Variants in PAAF1 observed in about 807,000 individuals in gnomAD.
The protein encoded by PAAF1 is proteasomal ATPase-associated factor 1.
Under a neutral mutation model 52.8 loss-of-function variants are expected in PAAF1, and 46 were observed. That is an observed-to-expected ratio of 0.87 (90% CI 0.69 to 1.11). The LOEUF (loss-of-function observed/expected upper bound fraction) is 1.11. Among genes scored for constraint, PAAF1 ranks in the 50% most tolerant of loss-of-function variants. The pLI, the probability that PAAF1 is intolerant of heterozygous loss-of-function variation, is 0.00. For missense variants in PAAF1, 424 were observed against 477.4 expected (o/e 0.89, Z 1.04); for synonymous variants, 178 against 172.8 (o/e 1.03, Z -0.24).
At chr11:73,926,333 C>T (rs1338141026) in intron 11 of PAAF1, among the ~76,000 whole-genome samples, 2 of 152,088 alleles carry the variant, frequency 1.3e-5, no homozygotes, top group Non-Finnish European at 2.9e-5. Flanking sequence ...CTTGAACTCC[C>T]GACTGAGGCC....
In PAAF1 at chr11:73,927,327, G is replaced by A. The variant is rs754021347; in HGVS notation, c.1144G>A (p.Gly382Ser). The A allele has an allele frequency of 1.8e-5, 29 of 1,613,990 alleles. 2 individuals carry two copies. The South Asian group carries it at 2.5e-4, about 14-fold the overall frequency. ...GCAGATCTACACATGCTGTCGAGAC[G>A]GTCTTGTACGACGCTACCAGCTTTC... is the stretch of plus-strand genomic sequence containing the variant. Reference protein sequence around the residue: ...EKQIYTCCRDGLVRRYQLSDL With the variant: ...EKQIYTCCRDSLVRRYQLSDL Residue 382 changes from glycine (G) to serine (S), a missense_variant, in exon 12 of 12, where the codon GGT becomes AGT. Transcript: ENST00000310571.
At chr11:73,876,763 G>A (rs1483999933), upstream of PAAF1, 2 of 365,790 alleles carry the variant, frequency 5.5e-6, no homozygotes, top group Non-Finnish European at 9.8e-6. Flanking sequence ...TCACCGAACA[G>A]GTGGGAGAAG....
rs372294739 is a variant in PAAF1, at chr11:73,920,072, T to A, written c.1018+1040T>A. ...AAGCATGCTGTTTAGGTGGTAGTAGTGTACCAATATTGGCATCTTAGTTTT... is the reference window on the plus strand; with the variant it reads ...AAGCATGCTGTTTAGGTGGTAGTAGAGTACCAATATTGGCATCTTAGTTTT... On this transcript the variant is annotated intron_variant, in intron 10 of 11. Coordinates refer to ENST00000310571, the MANE Select transcript of PAAF1 (RefSeq NM_025155.3). 5.9e-5 allele frequency among the ~76,000 whole-genome samples: 9 copies of A among 152,010 alleles called. No homozygotes were observed. In the East Asian group the frequency reaches 1.4e-3, roughly 23 times the overall value.
At chr11:73,896,824 G>C (rs1432437572) in intron 4 of PAAF1, among the ~76,000 whole-genome samples, 1 of 152,148 alleles carries the variant, frequency 6.6e-6, no homozygotes, top group Non-Finnish European at 1.5e-5. Context: ...ACACCTCCCA[G>C]ACGGGGTGGT....
intron 2 of PAAF1, among the ~76,000 whole-genome samples, chr11:73,883,939 G>A (rs191408309): frequency 6.6e-6 from 1 of 152,086 alleles, no homozygotes; most frequent in Non-Finnish European, 1.5e-5. Context: ...CTAGTTTTTG[G>A]CTATTATGAA....
rs1238817167 is a variant in PAAF1 at position 73,909,719 on chromosome 11, G to A, written c.727+126G>A. ...CCTGGTATTTCTGTTTTCACCATAC[G>A]ATTAATATTTACTCTGTACCTACTA... On this transcript the variant is annotated intron_variant, in intron 7 of 11. Transcript: ENST00000310571. 4 of 829,514 alleles carry A rather than the reference G, an allele frequency of 4.8e-6. No homozygotes were observed. The South Asian group carries it at 5.4e-5, about 11-fold the overall frequency. The allele number at this position is 829,514 out of a possible 1,614,324, so 51.4% of individuals were successfully genotyped here. A position where few individuals can be genotyped will look rare whatever the true frequency, so the allele number is the denominator to read the frequency against.
intron 7 of PAAF1, among the ~76,000 whole-genome samples, chr11:73,913,637 A>T (rs927285329): frequency 6.6e-6 from 1 of 151,742 alleles, no homozygotes; most frequent in African/African-American, 2.4e-5. Context: ...TTTGTTCATC[A>T]CTATTTCCTT....
Position 73,901,038 on chromosome 11 carries a change from GA to G in PAAF1, c.532+628del, listed in dbSNP as rs951212508. ...AAGTTGTTTTCTACAATTGATAAAGGAAAAAAAAAATCCTCTCCAGGAAATC... is the reference window on the plus strand; with the variant it reads ...AAGTTGTTTTCTACAATTGATAAAGGAAAAAAAAATCCTCTCCAGGAAATC... On this transcript the variant is annotated intron_variant, in intron 6 of 11. Transcript: ENST00000310571. Among the ~76,000 whole-genome samples the G allele has an allele frequency of 1.5e-4, 19 of 125,180 alleles. No individual in the cohort carries two copies. In the East Asian group the frequency reaches 1.8e-3, roughly 12 times the overall value. The allele number at this position is 125,180 out of a possible 152,430, so 82.1% of individuals were successfully genotyped here.
intron 2 of PAAF1, among the ~76,000 whole-genome samples, chr11:73,881,577 T>G (rs1273127181): frequency 6.6e-6 from 1 of 152,162 alleles, no homozygotes; most frequent in African/African-American, 2.4e-5. Context: ...TGTGAGCCAC[T>G]GCCCCCGGCC....
intron 6 of PAAF1, among the ~76,000 whole-genome samples, chr11:73,907,944 G>T (rs1949805595): frequency 6.6e-6 from 1 of 152,082 alleles, no homozygotes; most frequent in Non-Finnish European, 1.5e-5. Context: ...TCCTGTCCAG[G>T]ACATGTGGGA....
At chr11:73,914,239 A>G (rs191137416) in intron 7 of PAAF1, among the ~76,000 whole-genome samples, 174 bp from the exon 8 acceptor site, 2 of 152,380 alleles carry the variant, frequency 1.3e-5, no homozygotes, top group Admixed American at 6.5e-5. Flanking sequence ...AGTTTTGACA[A>G]ATATATCCAG....
intron 4 of PAAF1, among the ~76,000 whole-genome samples, chr11:73,897,288 C>T (rs1276589620): frequency 6.6e-6 from 1 of 151,500 alleles, no homozygotes; most frequent in African/African-American, 2.4e-5. Flanking sequence ...GGGGGCTGAC[C>T]CCCCCACTTC....
chr11:73,909,333 A>G, intron 6 of PAAF1, 66 bp from the exon 7 acceptor site: 1 of 1,466,842 alleles, frequency 6.8e-7, no homozygotes, highest in South Asian at 1.2e-5. Context: ...ATGCAGCTCC[A>G]TCTTCTCTGC....
Position 73,882,581 on chromosome 11 carries a change from G to A in PAAF1, c.88+3762G>A, listed in dbSNP as rs376145942. 1.8e-4 allele frequency among the ~76,000 whole-genome samples: 27 copies of A among 151,842 alleles called. No individual in the cohort carries two copies. In the East Asian group the frequency reaches 3.5e-3, roughly 20 times the overall value. On this transcript the variant is annotated intron_variant, in intron 2 of 11. Coordinates refer to ENST00000310571, the MANE Select transcript of PAAF1 (RefSeq NM_025155.3). The stretch of plus-strand genomic sequence containing the variant: ...CCTGCCTCAGCCTCCCAAGTAGCTG[G>A]GATTTCAGACATGCGCCACCACGCC...
chr11:73,892,883 A>G (rs1007242566), intron 4 of PAAF1, among the ~76,000 whole-genome samples: 2 of 152,052 alleles, frequency 1.3e-5, no homozygotes, highest in Non-Finnish European at 2.9e-5. Flanking sequence ...GATGGTCTCA[A>G]TCTCCTGACC....
rs898462699 is a variant in PAAF1 at position 73,930,373 on chromosome 11, A to G, written c.*3011A>G. 7.6e-6 allele frequency: 1 copy of G among 131,424 alleles called. No homozygotes were observed. The highest frequency in any genetic ancestry group is 2.8e-5 in the African/African-American group (1 of 35,750). 8.1% of individuals were successfully genotyped at this position (131,424 alleles called of 1,614,324 possible). On this transcript the variant is annotated 3_prime_UTR_variant, in exon 12 of 12. Transcript: ENST00000310571. ...CGACAGAGCGAGGCTCTATCTCAAG[A>G]AAAAAAAAAAGAAAAAAAGAAAACA... is the stretch of plus-strand genomic sequence containing the variant.
In PAAF1 at chr11:73,927,764, C is replaced by A. The variant is rs1192522639; in HGVS notation, c.*402C>A. On this transcript the variant is annotated 3_prime_UTR_variant, in exon 12 of 12. Transcript: ENST00000310571. ...TGAAGAACTTTGTTAAATACTCTTACTCCAGCAAAAAGTTGGTCAGGACGA... is the reference window on the plus strand; with the variant it reads ...TGAAGAACTTTGTTAAATACTCTTAATCCAGCAAAAAGTTGGTCAGGACGA... The A allele has an allele frequency of 5.8e-6, 1 of 173,280 alleles. No individual in the cohort carries two copies. Among genetic ancestry groups the A allele is most frequent in the East Asian group, 1.6e-4 (1 of 6,332 alleles). The allele number at this position is 173,280 out of a possible 1,614,324, so 10.7% of individuals were successfully genotyped here.
Position 73,927,583 on chromosome 11 carries a change from T to G in PAAF1, c.*221T>G, listed in dbSNP as rs1950397804. 1.7e-6 allele frequency: 1 copy of G among 585,000 alleles called. No homozygotes were observed. Among genetic ancestry groups the G allele is most frequent in the Non-Finnish European group, 3.0e-6 (1 of 328,354 alleles). 36.2% of individuals were successfully genotyped at this position (585,000 alleles called of 1,614,324 possible). On this transcript the variant is annotated 3_prime_UTR_variant, in exon 12 of 12. Transcript: ENST00000310571. Reference sequence around the variant, plus strand: ...TGTGCCCACTGCATTTGTTCCAACTTCTCCTTGTATAAACTCACCCCAGCA... The same window carrying G: ...TGTGCCCACTGCATTTGTTCCAACTGCTCCTTGTATAAACTCACCCCAGCA...
chr11:73,912,767 C>T (rs531296795), intron 7 of PAAF1, among the ~76,000 whole-genome samples: 80 of 152,324 alleles, frequency 5.3e-4, no homozygotes, highest in Non-Finnish European at 9.6e-4. Flanking sequence ...GACCCCTACA[C>T]TTCTCTCCAG....
Sources: allele counts gnomAD v4.1 joint callset (sites outside exome capture counted in the v4.1 genomes callset), GRCh38; gene constraint gnomAD v4.1.1; transcripts MANE v1.5; gene names NCBI Gene and HGNC (gene_info 2026-07-23, HGNC 2026-07-21).